The following ANKS1B variants were observed in gnomAD, a reference collection of about 807,000 sequenced individuals.
ANKS1B encodes the protein ankyrin repeat and sterile alpha motif domain-containing protein 1B.
Under a neutral mutation model 148.3 loss-of-function variants are expected in ANKS1B, and 36 were observed. The observed-to-expected ratio is 0.24, with a 90% confidence interval of 0.19 to 0.32. The LOEUF is 0.32. Among genes scored for constraint, ANKS1B ranks in the 10% least tolerant of loss-of-function variants. ANKS1B has a pLI of 1.00. For missense variants in ANKS1B, 1,157 were observed against 1,542.6 expected (o/e 0.75, Z 4.19); for synonymous variants, 542 against 560.8 (o/e 0.97, Z 0.47).
chr12:98,878,391 A>AAACAAACC, intron 17 of ANKS1B, among the ~76,000 whole-genome samples: 1 of 152,102 alleles, frequency 6.6e-6, no homozygotes, highest in African/African-American at 2.4e-5. Context: ...ACAAACAAAC[A>AAACAAACC]AACAAACAAA....
intron 17 of ANKS1B, among the ~76,000 whole-genome samples, chr12:98,916,261 C>A (rs997313264): frequency 2.0e-5 from 3 of 152,200 alleles, no homozygotes; most frequent in Non-Finnish European, 4.4e-5. Context: ...AGATCAGTCA[C>A]GATGATGTCA....
At chr12:98,882,684 G>C in intron 17 of ANKS1B, among the ~76,000 whole-genome samples, 1 of 151,698 alleles carries the variant, frequency 6.6e-6, no homozygotes, top group East Asian at 1.9e-4. Flanking sequence ...ATCATCTGCT[G>C]CATGTTCAGA....
chr12:99,914,408 GAC>G (rs1223375242), intron 1 of ANKS1B, among the ~76,000 whole-genome samples: 2 of 152,168 alleles, frequency 1.3e-5, no homozygotes, highest in Non-Finnish European at 2.9e-5. Context: ...ATACTTGAAA[GAC>G]ATGTGGTAAT....
At chr12:99,736,916 CA>C (rs2059666222) in intron 8 of ANKS1B, among the ~76,000 whole-genome samples, 1 of 151,992 alleles carries the variant, frequency 6.6e-6, no homozygotes. Flanking sequence ...AGAAGACATA[CA>C]AATGGCCACC....
chr12:99,515,610 T>C (rs2096810441), intron 9 of ANKS1B, among the ~76,000 whole-genome samples: 2 of 152,096 alleles, frequency 1.3e-5, no homozygotes, highest in Non-Finnish European at 2.9e-5. Flanking sequence ...AATTTTTCTA[T>C]TGTAAACAGT....
At chr12:99,015,693 C>G (rs755345662) in intron 17 of ANKS1B, among the ~76,000 whole-genome samples, 4 of 151,958 alleles carry the variant, frequency 2.6e-5, no homozygotes, top group Admixed American at 2.6e-4. Flanking sequence ...GATGAAACAC[C>G]GTCTCTATTA....
intron 17 of ANKS1B, among the ~76,000 whole-genome samples, chr12:99,016,590 A>G (rs889997648): frequency 6.6e-6 from 1 of 152,170 alleles, no homozygotes; most frequent in Non-Finnish European, 1.5e-5. Context: ...CGGGAGGTGG[A>G]GGTTGCAGTG....
chr12:99,473,470 T>C (rs1460028393), intron 10 of ANKS1B, among the ~76,000 whole-genome samples: 2 of 152,072 alleles, frequency 1.3e-5, no homozygotes, highest in African/African-American at 4.8e-5. Flanking sequence ...GTACAATTAA[T>C]TGATAGATAG....
intron 1 of ANKS1B, among the ~76,000 whole-genome samples, chr12:99,946,808 A>G (rs1486512812): frequency 6.6e-6 from 1 of 152,174 alleles, no homozygotes; most frequent in Non-Finnish European, 1.5e-5. Context: ...AGAACATGGC[A>G]TGGCTAGACC....
chr12:98,744,321 C>T lies in ANKS1B; in HGVS notation c.*1418G>A. On this transcript the variant is annotated 3_prime_UTR_variant, in exon 27 of 27. Coordinates refer to ENST00000683438, the MANE Select transcript of ANKS1B (RefSeq NM_001352186.2). ...AATGTAGTTATTCTTCAAAACTCAC[C>T]AACTGATGAATGTAACTGATCATCT... 1 of 923,500 alleles carries T rather than the reference C, an allele frequency of 1.1e-6. No individual in the cohort carries two copies. Among genetic ancestry groups the T allele is most frequent in the Non-Finnish European group, 1.3e-6 (1 of 773,362 alleles). 57.2% of individuals were successfully genotyped at this position (923,500 alleles called of 1,614,324 possible).
chr12:98,772,970 A>T, intron 25 of ANKS1B, 72 bp downstream of exon 25: 1 of 1,541,196 alleles, frequency 6.5e-7, no homozygotes, highest in Non-Finnish European at 8.9e-7. Flanking sequence ...GTTAATTATA[A>T]GTTGGGCTTT....
intron 8 of ANKS1B, among the ~76,000 whole-genome samples, chr12:99,751,097 A>G: frequency 6.6e-6 from 1 of 151,566 alleles, no homozygotes; most frequent in East Asian, 1.9e-4. Context: ...AGTAGTCTAC[A>G]TCTTCAGTAA....
intron 8 of ANKS1B, among the ~76,000 whole-genome samples, chr12:99,724,142 G>A (rs1256789895): frequency 6.6e-6 from 1 of 152,148 alleles, no homozygotes; most frequent in Non-Finnish European, 1.5e-5. Flanking sequence ...TGCAGAACTG[G>A]GCAGAGGATG....
intron 12 of ANKS1B, among the ~76,000 whole-genome samples, chr12:99,313,423 C>T (rs1439880726): frequency 6.6e-6 from 1 of 152,104 alleles, no homozygotes; most frequent in African/African-American, 2.4e-5. Context: ...TTTACGAAGC[C>T]AGCATCATCC....
chr12:99,690,626 G>A (rs1054739968), intron 8 of ANKS1B, among the ~76,000 whole-genome samples: 3 of 152,260 alleles, frequency 2.0e-5, no homozygotes, highest in Non-Finnish European at 2.9e-5. Flanking sequence ...TTGACTCCAC[G>A]TCTCACATCT....
chr12:98,748,502 T>C (rs942296476), intron 26 of ANKS1B, among the ~76,000 whole-genome samples: 1 of 152,220 alleles, frequency 6.6e-6, no homozygotes, highest in Admixed American at 6.5e-5. Context: ...TGCCTGCTCT[T>C]CTCAGAGCCT....
chr12:99,878,665 T>C (rs1029301186), intron 1 of ANKS1B, among the ~76,000 whole-genome samples: 3 of 152,200 alleles, frequency 2.0e-5, no homozygotes, highest in African/African-American at 7.2e-5. Flanking sequence ...TCACTTCTTT[T>C]TTATTTTAAG....
At chr12:99,622,619 G>A (rs75192745) in intron 9 of ANKS1B, among the ~76,000 whole-genome samples, 1 of 151,616 alleles carries the variant, frequency 6.6e-6, no homozygotes, top group East Asian at 1.9e-4. Flanking sequence ...GTGCATACAG[G>A]TGTATGCACA....
chr12:99,426,455 T>C (rs1026059144), intron 11 of ANKS1B, among the ~76,000 whole-genome samples: 1 of 152,212 alleles, frequency 6.6e-6, no homozygotes, highest in Non-Finnish European at 1.5e-5. Context: ...CAATTTAGCA[T>C]TTATTGCTTG....
Sources: allele counts gnomAD v4.1 joint callset (sites outside exome capture counted in the v4.1 genomes callset), GRCh38; gene constraint gnomAD v4.1.1; transcripts MANE v1.5; gene names NCBI Gene and HGNC (gene_info 2026-07-23, HGNC 2026-07-21).